The following RBM41 variants were observed in gnomAD, a reference collection of about 807,000 sequenced individuals.
RBM41 encodes the protein RNA-binding protein 41.
Under a neutral mutation model 30.8 loss-of-function variants are expected in RBM41, and 14 were observed. The observed-to-expected ratio is 0.45, with a 90% CI of 0.30 to 0.71. The LOEUF is 0.71. Among genes scored for constraint, RBM41 ranks in the 30% least tolerant of loss-of-function variants. The pLI is 0.08. For missense variants in RBM41, 276 were observed against 326.3 expected, an observed-to-expected ratio of 0.85 and a Z score of 1.19; for synonymous variants, 120 against 110.1, an observed-to-expected ratio of 1.09 and a Z score of -0.56.
downstream of RBM41, among the ~76,000 whole-genome samples, chrX:107,058,639 G>C (rs1935604347): frequency 8.9e-6 from 1 of 111,861 alleles, no homozygotes; most frequent in Non-Finnish European, 1.9e-5. Flanking sequence ...TTCCGTAAGT[G>C]GAGGAAGCTA....
At chrX:107,086,073 A>G (rs1473661701) in intron 6 of RBM41, among the ~76,000 whole-genome samples, 1 of 112,191 alleles carries the variant, frequency 8.9e-6, no homozygotes, top group Non-Finnish European at 1.9e-5. Context: ...TGAAAGGCCA[A>G]TAAATGTTAA....
At chrX:107,092,722 T>C (rs1003407426) in intron 5 of RBM41, among the ~76,000 whole-genome samples, 8 of 112,543 alleles carry the variant, frequency 7.1e-5, no homozygotes, top group African/African-American at 2.3e-4. Context: ...CAACATTACA[T>C]GTCAGTGAAG....
chrX:107,079,766 G>A (rs898123379), intron 6 of RBM41, among the ~76,000 whole-genome samples: 1 of 107,018 alleles, frequency 9.3e-6, no homozygotes, highest in African/African-American at 3.8e-5. Flanking sequence ...AAGATTCCCT[G>A]TGTTTCATGT....
intron 5 of RBM41, among the ~76,000 whole-genome samples, chrX:107,110,448 C>T (rs1181421451): frequency 2.7e-5 from 3 of 111,127 alleles, no homozygotes; most frequent in African/African-American, 9.8e-5. Context: ...AGGAATTAAA[C>T]AAGACACAAA....
At chrX:107,100,094 A>G (rs2147674999) in intron 5 of RBM41, among the ~76,000 whole-genome samples, 1 of 112,095 alleles carries the variant, frequency 8.9e-6, no homozygotes, top group African/African-American at 3.2e-5. Context: ...TATTCTTTCA[A>G]CTTTTCTCCA....
chrX:107,080,303 G>A, intron 6 of RBM41, among the ~76,000 whole-genome samples: 1 of 110,880 alleles, frequency 9.0e-6, no homozygotes, highest in East Asian at 2.8e-4. Context: ...CTGCAGCCGG[G>A]CATGGTAGCT....
chrX:107,090,152 G>A (rs1922392073), intron 5 of RBM41, among the ~76,000 whole-genome samples: 1 of 111,273 alleles, frequency 9.0e-6, no homozygotes, highest in African/African-American at 3.3e-5. Context: ...GAGGCAGGCG[G>A]GTCACAAGGT....
At chrX:107,104,606 AAAGAAG>A (rs1284306765) in intron 5 of RBM41, among the ~76,000 whole-genome samples, 1 of 111,383 alleles carries the variant, frequency 9.0e-6, no homozygotes, top group African/African-American at 3.3e-5. Context: ...GTATACAGTA[AAAGAAG>A]AAGATCTTGT....
intron 1 of RBM41, 42 bp from the exon 2 acceptor site, chrX:107,116,808 TGTGA>T (rs1293712203): frequency 4.4e-6 from 5 of 1,128,649 alleles, no homozygotes; most frequent in African/African-American, 3.6e-5. Context: ...CGGAAGAGAC[TGTGA>T]GTCTCAAAAT....
the RBM41 span, among the ~76,000 whole-genome samples, chrX:107,055,189 G>T: frequency 8.9e-6 from 1 of 112,325 alleles, no homozygotes; most frequent in Non-Finnish European, 1.9e-5. Context: ...CCTTTTCATG[G>T]CTGAGTAATA....
downstream of RBM41, among the ~76,000 whole-genome samples, chrX:107,058,829 T>C (rs1935605257): frequency 9.0e-6 from 1 of 111,513 alleles, no homozygotes; most frequent in African/African-American, 3.3e-5. Context: ...GTGAGGACCC[T>C]CTTCCAGGTT....
intron 5 of RBM41, among the ~76,000 whole-genome samples, chrX:107,109,144 G>GA (rs1416547968): frequency 9.0e-6 from 1 of 110,620 alleles, no homozygotes; most frequent in African/African-American, 3.3e-5. Flanking sequence ...TGGCACATTG[G>GA]AAAAATCTAT....
chrX:107,075,773 C>T (rs1190914100), intron 6 of RBM41, among the ~76,000 whole-genome samples: 2 of 111,806 alleles, frequency 1.8e-5, no homozygotes, highest in African/African-American at 6.5e-5. Flanking sequence ...CCCTTGTGCA[C>T]TGTTGATGGG....
At chrX:107,084,581 C>CT (rs1023933666) in intron 6 of RBM41, among the ~76,000 whole-genome samples, 24 of 111,216 alleles carry the variant, frequency 2.2e-4, no homozygotes, top group African/African-American at 7.9e-4. Context: ...ATCAAAACCT[C>CT]TAAGACTGTG....
intron 6 of RBM41, among the ~76,000 whole-genome samples, chrX:107,083,172 AT>A (rs199711772): frequency 0.33 from 31,528 of 96,131 alleles, 5,091 homozygotes; most frequent in African/African-American, 0.59. Flanking sequence ...CTTTTGAAGG[AT>A]TTTTTTTTTT....
chrX:107,095,804 G>T (rs1036194646), intron 5 of RBM41, among the ~76,000 whole-genome samples: 5 of 110,450 alleles, frequency 4.5e-5, no homozygotes, highest in Non-Finnish European at 9.4e-5. Flanking sequence ...CTTGAGGCCA[G>T]GAGTTTGAGA....
chrX:107,061,225 A>T (rs913589784), downstream of RBM41, among the ~76,000 whole-genome samples: 5 of 112,342 alleles, frequency 4.5e-5, no homozygotes, highest in South Asian at 3.7e-4. Context: ...ATAGTGTTGT[A>T]TCAATATTAG....
chrX:107,067,442 A>G lies in RBM41; in HGVS notation c.*85T>C, dbSNP rs1935881863. The G allele has an allele frequency of 9.1e-7, 1 of 1,104,968 alleles. No individual in the cohort carries two copies. Among genetic ancestry groups the G allele is most frequent in the Non-Finnish European group, 1.2e-6 (1 of 843,110 alleles). The allele number at this position is 1,104,968 out of a possible 1,213,427, so 91.1% of individuals were successfully genotyped here. On this transcript the variant is annotated 3_prime_UTR_variant, in exon 8 of 8. Coordinates refer to ENST00000685964, the MANE Select transcript of RBM41 (RefSeq NM_001324242.2). ...CAGTTAGTTTTTCCTCTTCAACTCC[A>G]AACAAACTGGTGTCTATACATAAAT...
the RBM41 span, among the ~76,000 whole-genome samples, chrX:107,054,012 C>T: frequency 7.2e-5 from 8 of 110,742 alleles, no homozygotes; most frequent in African/African-American, 2.0e-4. Flanking sequence ...CAGGAAGCCG[C>T]GTTCTTCATA....
Sources: allele counts gnomAD v4.1 joint callset (sites outside exome capture counted in the v4.1 genomes callset), GRCh38; gene constraint gnomAD v4.1.1; transcripts MANE v1.5; gene names NCBI Gene and HGNC (gene_info 2026-07-23, HGNC 2026-07-21).